SORCS3: variants seen among roughly 807,000 people sequenced by gnomAD.
The protein encoded by SORCS3 is sortilin related VPS10 domain containing receptor 3.
SORCS3 carries 57 observed loss-of-function variants against 146.3 expected under a neutral mutation model. That is an observed-to-expected ratio of 0.39 (90% confidence interval 0.31 to 0.49). The LOEUF is 0.49. Ranked by LOEUF, SORCS3 falls within the 20% of genes least tolerant of loss-of-function variation. The probability of loss-of-function intolerance (pLI) is 0.92; values close to 1 mark genes in which losing one functional copy is unlikely to be tolerated. For missense variants in SORCS3, 1,341 were observed against 1,575.5 expected (o/e 0.85, Z 2.52); for synonymous variants, 653 against 618.5 (o/e 1.06, Z -0.83).
At chr10:104,845,642 GA>G (rs1252562681) in intron 2 of SORCS3, among the ~76,000 whole-genome samples, 1 of 152,134 alleles carries the variant, frequency 6.6e-6, no homozygotes, top group Non-Finnish European at 1.5e-5. Flanking sequence ...TATTCTCTAG[GA>G]ATTAGCAGAG....
At chr10:104,815,189 G>T (rs1284453358) in intron 1 of SORCS3, among the ~76,000 whole-genome samples, 1 of 152,160 alleles carries the variant, frequency 6.6e-6, no homozygotes, top group South Asian at 2.1e-4. Flanking sequence ...GCCAGGTGCG[G>T]TGGCTGATGC....
At chr10:105,161,904 T>C (rs1471838568) in intron 11 of SORCS3, among the ~76,000 whole-genome samples, 1 of 152,118 alleles carries the variant, frequency 6.6e-6, no homozygotes, top group Non-Finnish European at 1.5e-5. Flanking sequence ...CCCCTTTCCG[T>C]GCCAGCTCCA....
chr10:104,651,572 G>A lies in SORCS3; in HGVS notation c.627+9618G>A, dbSNP rs186561708. ...AAAAAAAACACAAAAATTAGCTGGT[G>A]GCACATGCCTTTAATCCCAGCTACA... is the stretch of plus-strand genomic sequence containing the variant. On this transcript the variant is annotated intron_variant, in intron 1 of 26. Transcript: ENST00000369701. Among the ~76,000 whole-genome samples, 183 of 151,024 alleles carry A rather than the reference G, an allele frequency of 1.2e-3. 1 individual carries two copies. Among genetic ancestry groups the A allele is most frequent in the East Asian group, 1.9e-4 (1 of 5,134 alleles).
chr10:105,064,726 G>A (rs1025706971), intron 5 of SORCS3, among the ~76,000 whole-genome samples: 5 of 152,006 alleles, frequency 3.3e-5, no homozygotes, highest in Non-Finnish European at 7.4e-5. Flanking sequence ...AAGGAGGTAG[G>A]GAAGGAGATA....
intron 3 of SORCS3, among the ~76,000 whole-genome samples, chr10:104,975,074 A>G (rs1182380682): frequency 1.3e-5 from 2 of 151,916 alleles, no homozygotes; most frequent in African/African-American, 4.8e-5. Flanking sequence ...CCCTGTTAGG[A>G]GAAGGAAATA....
Position 104,713,100 on chromosome 10 carries a change from A to G in SORCS3, c.627+71146A>G, listed in dbSNP as rs1250818402. On this transcript the variant is annotated intron_variant, in intron 1 of 26. Transcript: ENST00000369701. ...AATTTGCACAGGGCCAGGCAGTGCA[A>G]TATACCAGCCTTTCTCAAGTGTGTG... Among the ~76,000 whole-genome samples the G allele has an allele frequency of 1.1e-4, 16 of 147,682 alleles. No individual in the cohort carries two copies. The Admixed American group carries it at 1.1e-3, about 10-fold the overall frequency.
chr10:104,952,290 A>G (rs12266707), intron 3 of SORCS3, among the ~76,000 whole-genome samples: 1 of 133,752 alleles, frequency 7.5e-6, no homozygotes, highest in Non-Finnish European at 1.6e-5. Flanking sequence ...AAAAAAAATC[A>G]CAGCATGACA....
At chr10:105,243,310 C>T (rs542679246) in intron 20 of SORCS3, among the ~76,000 whole-genome samples, 1 of 152,018 alleles carries the variant, frequency 6.6e-6, no homozygotes, top group African/African-American at 2.4e-5. Flanking sequence ...AAGTAAAGGC[C>T]AGAATGCAGA....
intron 1 of SORCS3, among the ~76,000 whole-genome samples, chr10:104,716,189 A>C (rs564014513): frequency 6.6e-6 from 1 of 152,106 alleles, no homozygotes; most frequent in African/African-American, 2.4e-5. Context: ...CGGACAGGTA[A>C]TTTACTTATT....
chr10:105,105,819 C>T (rs2055816697), intron 7 of SORCS3, among the ~76,000 whole-genome samples: 1 of 152,178 alleles, frequency 6.6e-6, no homozygotes, highest in Non-Finnish European at 1.5e-5. Context: ...AGTAATTTAT[C>T]AAAGCCACAT....
rs183894037 is a variant in SORCS3, at chr10:105,029,096, C to G, written c.955-13959C>G. Among the ~76,000 whole-genome samples, 4 of 152,296 alleles carry G rather than the reference C, an allele frequency of 2.6e-5. No individual in the cohort carries two copies. In the East Asian group the frequency reaches 7.7e-4, roughly 29 times the overall value. ...TTAGATCAAGGCTACTCAACCCTGC[C>G]TCTGCATTAGAATCAGCTGGGGAAC... On this transcript the variant is annotated intron_variant, in intron 4 of 26. Coordinates refer to ENST00000369701, the MANE Select transcript of SORCS3 (RefSeq NM_014978.3).
intron 4 of SORCS3, among the ~76,000 whole-genome samples, chr10:105,039,759 G>A (rs575966586): frequency 3.3e-5 from 5 of 152,098 alleles, no homozygotes; most frequent in African/African-American, 7.2e-5. Context: ...CCAGGTTCTC[G>A]CTCTCTTTAT....
chr10:104,879,199 A>C (rs2018607157), intron 2 of SORCS3, among the ~76,000 whole-genome samples: 1 of 152,230 alleles, frequency 6.6e-6, no homozygotes, highest in African/African-American at 2.4e-5. Flanking sequence ...TGTAAGTTAG[A>C]AGTCCAGTAC....
chr10:104,673,468 G>C (rs950251338), intron 1 of SORCS3, among the ~76,000 whole-genome samples: 1 of 151,072 alleles, frequency 6.6e-6, no homozygotes, highest in Admixed American at 6.6e-5. Context: ...GTTGTTGTTT[G>C]TTCATTTGTT....
At chr10:104,831,398 C>T (rs181570512) in intron 1 of SORCS3, among the ~76,000 whole-genome samples, 85 of 152,290 alleles carry the variant, frequency 5.6e-4, no homozygotes, top group Non-Finnish European at 9.6e-4. Flanking sequence ...CCTGCTGAAC[C>T]TGTGGCTGGA....
intron 3 of SORCS3, among the ~76,000 whole-genome samples, chr10:104,953,536 G>A (rs1320524221): frequency 1.3e-5 from 2 of 152,208 alleles, no homozygotes; most frequent in African/African-American, 4.8e-5. Flanking sequence ...TGTTTCACAA[G>A]CACTTCAGAC....
intron 1 of SORCS3, among the ~76,000 whole-genome samples, chr10:104,682,907 G>T (rs1172050504): frequency 6.6e-6 from 1 of 152,152 alleles, no homozygotes; most frequent in Admixed American, 6.5e-5. Context: ...TCTGCTTTCT[G>T]CTCCTGAGTC....
intron 3 of SORCS3, among the ~76,000 whole-genome samples, chr10:104,970,911 GGGC>G (rs1401593476): frequency 6.6e-6 from 1 of 152,056 alleles, no homozygotes; most frequent in African/African-American, 2.4e-5. Flanking sequence ...GAAATTTAGG[GGGC>G]TATATTTTAT....
At chr10:105,147,832 C>G (rs766650370) in intron 9 of SORCS3, 36 bp downstream of exon 9, 5 of 1,561,888 alleles carry the variant, frequency 3.2e-6, no homozygotes, top group Non-Finnish European at 4.4e-6. Context: ...TTGGGTCTGT[C>G]TCTCTTTTTC....
Sources: gnomAD v4.1 joint callset for allele counts (sites outside exome capture counted in the v4.1 genomes callset) on GRCh38, gnomAD v4.1.1 for gene constraint, MANE v1.5 for transcripts, NCBI Gene and HGNC (gene_info 2026-07-23, HGNC 2026-07-21) for gene names.